The following PTPRM variants were observed in gnomAD, a reference collection of about 807,000 sequenced individuals.
PTPRM encodes receptor-type tyrosine-protein phosphatase mu.
PTPRM carries 47 observed loss-of-function variants against 186.7 expected under a neutral mutation model. The ratio of observed to expected loss-of-function variants is 0.25; its 90% CI spans 0.20 to 0.32. The LOEUF is 0.32. Among genes scored for constraint, PTPRM ranks in the 10% least tolerant of loss-of-function variants. PTPRM has a pLI of 1.00. For missense variants in PTPRM, 1,494 were observed against 1,865.0 expected (o/e 0.80, Z 3.66); for synonymous variants, 668 against 674.9 (o/e 0.99, Z 0.16).
chr18:7,809,126 G>A (rs2044378125), intron 2 of PTPRM, among the ~76,000 whole-genome samples: 1 of 152,132 alleles, frequency 6.6e-6, no homozygotes, highest in Admixed American at 6.5e-5. Context: ...CCTGGAGCTG[G>A]TGGGTGTTCC....
At chr18:8,181,211 T>C (rs544928896) in intron 14 of PTPRM, among the ~76,000 whole-genome samples, 1 of 152,188 alleles carries the variant, frequency 6.6e-6, no homozygotes, top group East Asian at 1.9e-4. Context: ...TGTTTTACTC[T>C]GAGCGATCAT....
chr18:8,065,138 T>C (rs944545557), intron 7 of PTPRM, among the ~76,000 whole-genome samples: 3 of 152,138 alleles, frequency 2.0e-5, no homozygotes, highest in African/African-American at 7.2e-5. Flanking sequence ...GGTTCTGAAA[T>C]TGAGTTTCTG....
chr18:7,711,241 C>T (rs1194921959), intron 1 of PTPRM, among the ~76,000 whole-genome samples: 3 of 152,140 alleles, frequency 2.0e-5, no homozygotes, highest in African/African-American at 4.8e-5. Flanking sequence ...CGGGGAACTC[C>T]CTCCCCTAGC....
intron 14 of PTPRM, among the ~76,000 whole-genome samples, chr18:8,200,404 G>A (rs2093838251): frequency 6.6e-6 from 1 of 152,230 alleles, no homozygotes; most frequent in African/African-American, 2.4e-5. Flanking sequence ...GCAAATGACT[G>A]GCACCTTGTC....
Position 8,005,470 on chromosome 18 carries a change from A to G in PTPRM, c.1132+50056A>G, listed in dbSNP as rs559439321. Among the ~76,000 whole-genome samples the G allele has an allele frequency of 2.2e-4, 34 of 152,308 alleles. 1 individual carries two copies. Among genetic ancestry groups the G allele is most frequent in the South Asian group, 6.2e-4 (3 of 4,830 alleles). On this transcript the variant is annotated intron_variant, in intron 7 of 32. Transcript: ENST00000580170. ...TTTATCTTTTTCAAACTACTTTTAC[A>G]TAAGTAATCCCATCTAATTCCCAGA...
intron 7 of PTPRM, among the ~76,000 whole-genome samples, chr18:8,043,359 G>A (rs566288435): frequency 6.6e-6 from 1 of 152,120 alleles, no homozygotes; most frequent in Non-Finnish European, 1.5e-5. Context: ...CGCAGTTTTA[G>A]TCTGCTGCCC....
intron 3 of PTPRM, among the ~76,000 whole-genome samples, chr18:7,905,901 C>T (rs1404478721): frequency 1.3e-5 from 2 of 152,162 alleles, no homozygotes; most frequent in Non-Finnish European, 2.9e-5. Context: ...AGGTTTAGAT[C>T]ACCTAAAGCA....
chr18:7,800,026 T>G (rs1005333623), intron 2 of PTPRM, among the ~76,000 whole-genome samples: 3 of 152,192 alleles, frequency 2.0e-5, no homozygotes, highest in African/African-American at 7.2e-5. Context: ...TAGTAAGTAT[T>G]GTGGGATATT....
rs180838424 is a variant in PTPRM at position 8,374,117 on chromosome 18, G to T, written c.3172-1929G>T. Among the ~76,000 whole-genome samples the T allele has an allele frequency of 1.1e-4, 17 of 152,246 alleles. No homozygotes were observed. The East Asian group carries it at 3.1e-3, about 28-fold the overall frequency. ...AACTGGATCAGAAGCCGTTTCCTTT[G>T]CCACTCTTGTCAATAGCAAACATAT... On this transcript the variant is annotated intron_variant, in intron 24 of 32. Transcript: ENST00000580170.
rs111267049 is a variant in PTPRM, at chr18:8,045,089, G to A, written c.1133-24597G>A. 8.8e-3 allele frequency among the ~76,000 whole-genome samples: 1,344 copies of A among 152,170 alleles called. 23 individuals carry two copies. Among genetic ancestry groups the A allele is most frequent in the African/African-American group, 0.031 (1,299 of 41,508 alleles). On this transcript the variant is annotated intron_variant, in intron 7 of 32. Transcript: ENST00000580170. Reference sequence around the variant, plus strand: ...AAGCAGGGCATGGTGGCTCACGCCTGTCATACCAACACTTTGGGAGGCCAA... The same window carrying A: ...AAGCAGGGCATGGTGGCTCACGCCTATCATACCAACACTTTGGGAGGCCAA...
chr18:8,156,128 A>T (rs1056878270), intron 14 of PTPRM, among the ~76,000 whole-genome samples: 1 of 152,200 alleles, frequency 6.6e-6, no homozygotes, highest in East Asian at 1.9e-4. Context: ...TTGAGGTACA[A>T]GGGTAAGTTG....
At chr18:7,683,729 A>G (rs1356202992) in intron 1 of PTPRM, among the ~76,000 whole-genome samples, 2 of 152,170 alleles carry the variant, frequency 1.3e-5, no homozygotes, top group Non-Finnish European at 2.9e-5. Flanking sequence ...GCAAATTAAA[A>G]CAACACTCAC....
intron 7 of PTPRM, among the ~76,000 whole-genome samples, chr18:7,998,051 G>A (rs191402528): frequency 2.4e-4 from 37 of 152,130 alleles, no homozygotes; most frequent in Non-Finnish European, 4.0e-4. Flanking sequence ...GCAAAAGAAA[G>A]GAAATAAGTA....
At chr18:8,002,560 C>T (rs144503429) in intron 7 of PTPRM, among the ~76,000 whole-genome samples, 174 of 152,320 alleles carry the variant, frequency 1.1e-3, no homozygotes, top group African/African-American at 3.9e-3. Flanking sequence ...TTGTGAGAAC[C>T]AGCTCTGCGT....
In PTPRM at chr18:8,239,121, A is replaced by C. The variant is rs567837880; in HGVS notation, c.2301-4937A>C. On this transcript the variant is annotated intron_variant, in intron 14 of 32. Coordinates refer to ENST00000580170, the MANE Select transcript of PTPRM (RefSeq NM_001105244.2). ...TAACTCGTCATTTAGCATTAGGTAT[A>C]TCTCCTAATGCTATCCCTCCCCCCT... 2.1e-5 allele frequency among the ~76,000 whole-genome samples: 3 copies of C among 144,646 alleles called. No individual in the cohort carries two copies. The East Asian group carries it at 6.5e-4, about 31-fold the overall frequency. 94.9% of individuals were successfully genotyped at this position (144,646 alleles called of 152,430 possible).
intron 1 of PTPRM, among the ~76,000 whole-genome samples, chr18:7,742,535 T>G (rs970957190): frequency 1.3e-5 from 2 of 152,148 alleles, no homozygotes; most frequent in Non-Finnish European, 2.9e-5. Flanking sequence ...GAAGTGCAGT[T>G]TTATCTTTTT....
intron 1 of PTPRM, among the ~76,000 whole-genome samples, chr18:7,630,617 G>C (rs1331117164): frequency 6.6e-6 from 1 of 152,128 alleles, no homozygotes; most frequent in East Asian, 1.9e-4. Flanking sequence ...GTTTATTTTA[G>C]AATTAAAAGT....
chr18:8,291,451 T>G (rs2095042150), intron 19 of PTPRM, among the ~76,000 whole-genome samples: 1 of 152,206 alleles, frequency 6.6e-6, no homozygotes, highest in African/African-American at 2.4e-5. Flanking sequence ...AGCTTTACTT[T>G]CAACAAGTTT....
intron 19 of PTPRM, chr18:8,270,350 G>A (rs1019029880): frequency 6.6e-6 from 1 of 151,922 alleles, no homozygotes; most frequent in Non-Finnish European, 1.5e-5. Context: ...AATCATCAAG[G>A]AAATGCAAAT....
Sources: gnomAD v4.1 joint callset for allele counts (sites outside exome capture counted in the v4.1 genomes callset) on GRCh38, gnomAD v4.1.1 for gene constraint, MANE v1.5 for transcripts, NCBI Gene and HGNC (gene_info 2026-07-23, HGNC 2026-07-21) for gene names.